The following ALDH1A3 variants were observed in gnomAD, a reference collection of about 807,000 sequenced individuals.
The protein encoded by ALDH1A3 is retinaldehyde dehydrogenase 3.
Under a neutral mutation model 57.5 loss-of-function variants are expected in ALDH1A3, and 28 were observed. That is an observed-to-expected ratio of 0.49 (90% CI 0.36 to 0.67). ALDH1A3 has a LOEUF of 0.67. Among genes scored for constraint, ALDH1A3 ranks in the 30% least tolerant of loss-of-function variants. The probability of loss-of-function intolerance (pLI) is 0.00; values close to 1 mark genes in which losing one functional copy is unlikely to be tolerated. For missense variants in ALDH1A3, 507 were observed against 669.4 expected, an observed-to-expected ratio of 0.76 and a Z score of 2.68; for synonymous variants, 281 against 264.8, an observed-to-expected ratio of 1.06 and a Z score of -0.59.
At chr15:100,905,444 T>C in intron 9 of ALDH1A3, 79 bp from the exon 10 acceptor site, 1 of 1,569,156 alleles carries the variant, frequency 6.4e-7, no homozygotes, top group South Asian at 1.1e-5. Flanking sequence ...GCTGATCATG[T>C]TGAAGGCCAC....
intron 9 of ALDH1A3, among the ~76,000 whole-genome samples, chr15:100,904,493 A>G (rs1019251058): frequency 1.3e-5 from 2 of 152,208 alleles, no homozygotes; most frequent in African/African-American, 4.8e-5. Flanking sequence ...TTTTCTGTTT[A>G]TGATCATTGG....
Position 100,887,018 on chromosome 15 carries a change from G to A in ALDH1A3, c.205-554G>A, listed in dbSNP as rs897583795. Reference sequence around the variant, plus strand: ...GAGGCAGCCAGTGGAAAGTCCTTCCGTACTTGGGTCCCTGAGAAAAATACT... The same window carrying A: ...GAGGCAGCCAGTGGAAAGTCCTTCCATACTTGGGTCCCTGAGAAAAATACT... On this transcript the variant is annotated intron_variant, in intron 2 of 12. Coordinates refer to ENST00000329841, the MANE Select transcript of ALDH1A3 (RefSeq NM_000693.4). The surrounding 1 kb of genome is among the most constrained non-coding windows in gnomAD (Gnocchi z 4.6). Among the ~76,000 whole-genome samples the A allele has an allele frequency of 2.6e-5, 4 of 152,182 alleles. No homozygotes were observed. Among genetic ancestry groups the A allele is most frequent in the Non-Finnish European group, 1.5e-5 (1 of 68,046 alleles).
intron 8 of ALDH1A3, among the ~76,000 whole-genome samples, chr15:100,899,134 G>A (rs2041741339): frequency 6.6e-6 from 1 of 152,166 alleles, no homozygotes; most frequent in Non-Finnish European, 1.5e-5. Context: ...ATGGGAGAAA[G>A]GACAGGAGGA....
chr15:100,908,208 C>T (rs1237195264), intron 11 of ALDH1A3, among the ~76,000 whole-genome samples, 200 bp from the exon 12 acceptor site: 1 of 152,104 alleles, frequency 6.6e-6, no homozygotes, highest in Admixed American at 6.5e-5. Flanking sequence ...ACACTCTGTA[C>T]TTGAGGATTT....
chr15:100,890,751 CTT>C (rs1464675780), intron 3 of ALDH1A3, among the ~76,000 whole-genome samples: 1 of 152,228 alleles, frequency 6.6e-6, no homozygotes, highest in Non-Finnish European at 1.5e-5. Flanking sequence ...AGTCCTCTCT[CTT>C]GTTCCATCCC....
Position 100,893,441 on chromosome 15 carries a change from GA to G in ALDH1A3, c.537+439del. ...GAGCTCAGGCAGGAGCAAAAGTGAGGAAAAGGGTGAGCACACGTGGCAGGTG... is the reference window on the plus strand; with the variant it reads ...GAGCTCAGGCAGGAGCAAAAGTGAGGAAAGGGTGAGCACACGTGGCAGGTG... On this transcript the variant is annotated intron_variant, in intron 5 of 12. Transcript: ENST00000329841. This position sits in a 1 kb window ranked among gnomAD's most constrained non-coding sequence, Gnocchi z 4.8. 1 of 174,296 alleles carries G rather than the reference GA, an allele frequency of 5.7e-6. No individual in the cohort carries two copies. Among genetic ancestry groups the G allele is most frequent in the Non-Finnish European group, 1.2e-5 (1 of 82,246 alleles). The allele number at this position is 174,296 out of a possible 1,614,324, so 10.8% of individuals were successfully genotyped here.
intron 3 of ALDH1A3, among the ~76,000 whole-genome samples, chr15:100,891,581 C>T (rs1189214558): frequency 1.3e-5 from 2 of 152,248 alleles, no homozygotes; most frequent in Non-Finnish European, 2.9e-5. Context: ...AGTCATGGAG[C>T]TCAAAGGGTG....
At position 100,910,160 on chromosome 15, in the gene ALDH1A3, C is replaced by G. The variant is rs142148886; in HGVS notation, c.1466+1678C>G. 5.7e-4 allele frequency among the ~76,000 whole-genome samples: 87 copies of G among 152,356 alleles called. No homozygotes were observed. The East Asian group carries it at 0.015, about 26-fold the overall frequency. On this transcript the variant is annotated intron_variant, in intron 12 of 12. Coordinates refer to ENST00000329841, the MANE Select transcript of ALDH1A3 (RefSeq NM_000693.4). ...CTCAGTCCTGCTTTGTAGTCCATCCCTGACTCTCAGCAAATACTCCAAGGC... is the reference window on the plus strand; with the variant it reads ...CTCAGTCCTGCTTTGTAGTCCATCCGTGACTCTCAGCAAATACTCCAAGGC...
At chr15:100,881,812 T>TG (rs1420424293) in intron 1 of ALDH1A3, among the ~76,000 whole-genome samples, 1 of 152,170 alleles carries the variant, frequency 6.6e-6, no homozygotes, top group Non-Finnish European at 1.5e-5. Flanking sequence ...CCTCACCCGT[T>TG]GGGGGACTGT....
chr15:100,904,859 C>A (rs1447044811), intron 9 of ALDH1A3, among the ~76,000 whole-genome samples: 5 of 152,196 alleles, frequency 3.3e-5, no homozygotes, highest in African/African-American at 9.7e-5. Context: ...TGCCACCCCA[C>A]CTGGAGGCTC....
At chr15:100,892,849 C>A in intron 4 of ALDH1A3, 96 bp from the exon 5 acceptor site, 2 of 1,405,494 alleles carry the variant, frequency 1.4e-6, no homozygotes, top group Non-Finnish European at 2.0e-6. Flanking sequence ...TTGAATCTGG[C>A]ACCCTTGTTG....
At position 100,893,001 on chromosome 15, in the gene ALDH1A3, A is replaced by C; in HGVS notation, c.532A>C (p.Thr178Pro). The C allele has an allele frequency of 1.2e-6, 2 of 1,613,312 alleles. No homozygotes were observed. Among genetic ancestry groups the C allele is most frequent in the Non-Finnish European group, 1.7e-6 (2 of 1,179,616 alleles). The change falls in exon 5 of 13, where the codon ACT (threonine) becomes CCT (proline). Residue 178 changes from threonine (T) to proline (P), a missense_variant. Around this residue, in one of 2 missense-constraint regions of ALDH1A3, gnomAD observed 432 missense variants for 608.4 expected, o/e 0.71. Coordinates refer to ENST00000329841, the MANE Select transcript of ALDH1A3 (RefSeq NM_000693.4). This position sits in a 1 kb window ranked among gnomAD's most constrained non-coding sequence, Gnocchi z 4.8. ...HEPIGVCGAITPWNFPLLMLV... is the reference protein window; with the variant it reads ...HEPIGVCGAIPPWNFPLLMLV... ...GCCCATTGGTGTCTGTGGGGCCATCACTCCAGTAAGTATGGCAGCCTTTCT... is the reference window on the plus strand; with the variant it reads ...GCCCATTGGTGTCTGTGGGGCCATCCCTCCAGTAAGTATGGCAGCCTTTCT...
chr15:100,883,405 G>A (rs2041564309), intron 1 of ALDH1A3, among the ~76,000 whole-genome samples: 1 of 152,222 alleles, frequency 6.6e-6, no homozygotes, highest in Admixed American at 6.5e-5. Context: ...GAATAAACCT[G>A]TAATTGTAGC....
At chr15:100,907,025 C>A in intron 10 of ALDH1A3, 96 bp from the exon 11 acceptor site, 1 of 1,381,534 alleles carries the variant, frequency 7.2e-7, no homozygotes, top group Non-Finnish European at 1.0e-6. Flanking sequence ...GTGCTCTGGG[C>A]ATATGAAAAA....
At chr15:100,885,691 A>G (rs2041588446) in intron 2 of ALDH1A3, among the ~76,000 whole-genome samples, 1 of 143,202 alleles carries the variant, frequency 7.0e-6, no homozygotes, top group African/African-American at 2.6e-5. Context: ...TTGGACCTGG[A>G]GGCATTAAAG....
intron 6 of ALDH1A3, chr15:100,895,033 A>G (rs1596125962): frequency 6.6e-6 from 1 of 152,222 alleles, no homozygotes; most frequent in African/African-American, 2.4e-5. Flanking sequence ...GAAAAACACG[A>G]GGCATGAACG....
intron 12 of ALDH1A3, among the ~76,000 whole-genome samples, chr15:100,912,057 G>A (rs2041887498): frequency 6.6e-6 from 1 of 152,176 alleles, no homozygotes; most frequent in Non-Finnish European, 1.5e-5. Context: ...TTTCGTTATT[G>A]AGACTGGGTT....
intron 2 of ALDH1A3, among the ~76,000 whole-genome samples, chr15:100,886,036 A>T (rs954554630): frequency 5.9e-5 from 9 of 152,244 alleles, no homozygotes; most frequent in African/African-American, 1.9e-4. Context: ...CACTGAGGGC[A>T]GGGAGATGTA....
rs2041612078 is a variant in ALDH1A3 at position 100,887,824 on chromosome 15, G to A, written c.345+112G>A. 9 of 1,332,418 alleles carry A rather than the reference G, an allele frequency of 6.8e-6. No homozygotes were observed. The South Asian group carries it at 9.6e-5, about 14-fold the overall frequency. The allele number at this position is 1,332,418 out of a possible 1,614,324, so 82.5% of individuals were successfully genotyped here. A position where few individuals can be genotyped will look rare whatever the true frequency, so the allele number is the denominator to read the frequency against. Reference sequence around the variant, plus strand: ...CGGTCCTGGTTTTGTGTGGTCGTGGGTCTGTTCCATCCTCTGAGACACGGC... The same window carrying A: ...CGGTCCTGGTTTTGTGTGGTCGTGGATCTGTTCCATCCTCTGAGACACGGC... On this transcript the variant is annotated intron_variant, in intron 3 of 12. Transcript: ENST00000329841. The surrounding 1 kb of genome is among the most constrained non-coding windows in gnomAD (Gnocchi z 4.6).
Sources: allele counts gnomAD v4.1 joint callset (sites outside exome capture counted in the v4.1 genomes callset), GRCh38; gene constraint gnomAD v4.1.1; regional missense constraint gnomAD v4.1.1; non-coding constraint Gnocchi (gnomAD v3.1); transcripts MANE v1.5; gene names NCBI Gene and HGNC (gene_info 2026-07-23, HGNC 2026-07-21).